PCDH9: variants seen among roughly 807,000 people sequenced by gnomAD.
PCDH9 encodes protocadherin-9.
Under a neutral mutation model 70.6 loss-of-function variants are expected in PCDH9, and 24 were observed. The ratio of observed to expected loss-of-function variants is 0.34; its 90% CI spans 0.25 to 0.48. The LOEUF (loss-of-function observed/expected upper bound fraction) is 0.48. Ranked by LOEUF, PCDH9 falls within the 20% of genes least tolerant of loss-of-function variation. The pLI is 0.99. For synonymous variants in PCDH9, 562 were observed against 558.5 expected (o/e 1.01, Z -0.09); for missense variants, 1,281 against 1,503.6 (o/e 0.85, Z 2.45).
chr13:66,873,936 C>CT (rs769872960), intron 3 of PCDH9, among the ~76,000 whole-genome samples: 18 of 96,922 alleles, frequency 1.9e-4, no homozygotes, highest in East Asian at 9.7e-4. Context: ...TTTTTTCTTT[C>CT]TTTCTTTTTT....
At chr13:67,040,348 C>T (rs9529174) in intron 2 of PCDH9, among the ~76,000 whole-genome samples, 11,676 of 152,166 alleles carry the variant, frequency 0.077, 610 homozygotes, top group Non-Finnish European at 0.12. Flanking sequence ...GTGGTAAACA[C>T]CTGCTAGTCC....
intron 2 of PCDH9, among the ~76,000 whole-genome samples, chr13:66,934,282 A>C (rs1281356928): frequency 6.6e-6 from 1 of 152,196 alleles, no homozygotes; most frequent in African/African-American, 2.4e-5. Flanking sequence ...CTGTAATCCC[A>C]GCACTTTGGG....
At chr13:66,541,989 G>C (rs147322360) in intron 4 of PCDH9, among the ~76,000 whole-genome samples, 1 of 152,122 alleles carries the variant, frequency 6.6e-6, no homozygotes, top group East Asian at 1.9e-4. Context: ...TTAATTTTTA[G>C]TTCCTACAAT....
chr13:67,070,847 T>G (rs972568988), intron 2 of PCDH9, among the ~76,000 whole-genome samples: 2 of 152,166 alleles, frequency 1.3e-5, no homozygotes, highest in African/African-American at 4.8e-5. Context: ...TACTCACAGT[T>G]TATATTTAGG....
In PCDH9 at chr13:67,008,749, T is replaced by G. The variant is rs556867751; in HGVS notation, c.3037-105144A>C. Among the ~76,000 whole-genome samples the G allele has an allele frequency of 2.0e-5, 3 of 152,230 alleles. No homozygotes were observed. The South Asian group carries it at 6.2e-4, about 32-fold the overall frequency. On this transcript the variant is annotated intron_variant, in intron 2 of 4. Coordinates refer to ENST00000377865, the MANE Select transcript of PCDH9 (RefSeq NM_203487.3). ...TATATCTGGTCAATTCCTTTTTACT[T>G]ACATATTTTCTTATATTCATTGTAT... is the stretch of plus-strand genomic sequence containing the variant.
intron 2 of PCDH9, among the ~76,000 whole-genome samples, chr13:67,191,595 T>G (rs2088915793): frequency 1.3e-5 from 2 of 152,138 alleles, no homozygotes; most frequent in African/African-American, 4.8e-5. Context: ...AGAAAGCTAT[T>G]GTGCTCACCA....
chr13:66,646,883 C>A (rs2138979291), intron 3 of PCDH9, among the ~76,000 whole-genome samples: 1 of 152,302 alleles, frequency 6.6e-6, no homozygotes, highest in Non-Finnish European at 1.5e-5. Flanking sequence ...GAGACAGTAT[C>A]TGTACACTTG....
intron 2 of PCDH9, among the ~76,000 whole-genome samples, chr13:67,174,633 C>T (rs548038681): frequency 6.6e-6 from 1 of 152,192 alleles, no homozygotes; most frequent in Admixed American, 6.5e-5. Flanking sequence ...TTTCAATTTA[C>T]TTACTTTGTT....
intron 2 of PCDH9, among the ~76,000 whole-genome samples, chr13:66,950,533 T>A (rs764888718): frequency 6.6e-6 from 1 of 152,058 alleles, no homozygotes; most frequent in Non-Finnish European, 1.5e-5. Context: ...GTTAAGATGT[T>A]AGCTTTTGTT....
intron 2 of PCDH9, among the ~76,000 whole-genome samples, chr13:66,928,142 T>C (rs571389833): frequency 1.3e-5 from 2 of 152,190 alleles, no homozygotes; most frequent in Admixed American, 1.3e-4. Flanking sequence ...TCCTTCTCAG[T>C]TTGCTGCACA....
chr13:66,491,385 T>TCG (rs1555299289), intron 4 of PCDH9, among the ~76,000 whole-genome samples: 1 of 136,030 alleles, frequency 7.4e-6, no homozygotes, highest in Non-Finnish European at 1.6e-5. Flanking sequence ...GCAGGAGATA[T>TCG]TGTGTGTGTG....
At chr13:66,870,948 C>T (rs1171219224) in intron 3 of PCDH9, among the ~76,000 whole-genome samples, 3 of 152,008 alleles carry the variant, frequency 2.0e-5, no homozygotes, top group East Asian at 3.9e-4. Context: ...CTTATGTTTA[C>T]TGCGGCACTA....
chr13:66,910,529 A>G (rs2082443616), intron 2 of PCDH9, among the ~76,000 whole-genome samples: 2 of 102 alleles, frequency 0.02, no homozygotes, highest in African/African-American at 0.059. Context: ...TATGCGTAAA[A>G]AAATCTTACA....
chr13:66,321,419 G>A (rs977796103), intron 4 of PCDH9, among the ~76,000 whole-genome samples: 2 of 151,976 alleles, frequency 1.3e-5, no homozygotes, highest in Non-Finnish European at 1.5e-5. Flanking sequence ...ATGGAATCCA[G>A]GTGATTGAGC....
chr13:66,619,142 G>A (rs1431640153), intron 4 of PCDH9, among the ~76,000 whole-genome samples: 1 of 152,028 alleles, frequency 6.6e-6, no homozygotes, highest in South Asian at 2.1e-4. Context: ...ACTACATTAA[G>A]TAATATTATA....
At chr13:66,912,023 T>C (rs2082476002) in intron 2 of PCDH9, among the ~76,000 whole-genome samples, 4 of 152,156 alleles carry the variant, frequency 2.6e-5, no homozygotes, top group Admixed American at 6.6e-5. Context: ...CATATGATTA[T>C]CATTTAACTG....
At chr13:66,531,109 AT>A (rs35177071) in intron 4 of PCDH9, among the ~76,000 whole-genome samples, 1 of 150,610 alleles carries the variant, frequency 6.6e-6, no homozygotes, top group African/African-American at 2.4e-5. Flanking sequence ...AAAAAAATCC[AT>A]TTTTTTTTGT....
chr13:67,035,818 T>C (rs1401818143), intron 2 of PCDH9, among the ~76,000 whole-genome samples: 1 of 152,128 alleles, frequency 6.6e-6, no homozygotes, highest in East Asian at 1.9e-4. Context: ...AGAATTCATC[T>C]TTACAAAGAA....
At chr13:66,666,915 TC>T (rs1389127741) in intron 3 of PCDH9, among the ~76,000 whole-genome samples, 2 of 152,182 alleles carry the variant, frequency 1.3e-5, no homozygotes, top group Non-Finnish European at 2.9e-5. Flanking sequence ...ACCCTCCTCC[TC>T]TTTTATATTT....
Sources: gnomAD v4.1 joint callset for allele counts (sites outside exome capture counted in the v4.1 genomes callset) on GRCh38, gnomAD v4.1.1 for gene constraint, MANE v1.5 for transcripts, NCBI Gene and HGNC (gene_info 2026-07-23, HGNC 2026-07-21) for gene names.